DGLUCY: variants seen among roughly 807,000 people sequenced by gnomAD.
The protein encoded by DGLUCY is D-glutamate cyclase, also known as D-glutamate cyclase, mitochondrial.
In DGLUCY, 58 loss-of-function variants were observed where a neutral mutation model predicts 58.5. The ratio of observed to expected loss-of-function variants is 0.99; its 90% CI spans 0.80 to 1.23. The LOEUF (loss-of-function observed/expected upper bound fraction) is 1.23. Ranked by LOEUF, DGLUCY falls within the 50% of genes most tolerant of loss-of-function variation. DGLUCY has a pLI of 0.00. For missense variants in DGLUCY, 779 were observed against 784.7 expected, an observed-to-expected ratio of 0.99 and a Z score of 0.09; for synonymous variants, 325 against 314.1, an observed-to-expected ratio of 1.03 and a Z score of -0.37.
chr14:91,112,017 C>T (rs11845814), upstream of DGLUCY, among the ~76,000 whole-genome samples: 16 of 151,966 alleles, frequency 1.1e-4, no homozygotes, highest in African/African-American at 3.4e-4. Context: ...GCAGGCGGAT[C>T]ACCTGAGGTC....
upstream of DGLUCY, among the ~76,000 whole-genome samples, chr14:91,111,289 TA>T (rs372631522): frequency 3.3e-3 from 176 of 53,980 alleles, 2 homozygotes; most frequent in African/African-American, 7.7e-3. Context: ...TATATATATA[TA>T]TTTTTTTTTG....
chr14:91,155,517 G>A (rs566638646), intron 1 of DGLUCY, among the ~76,000 whole-genome samples: 5 of 152,304 alleles, frequency 3.3e-5, no homozygotes, highest in East Asian at 1.9e-4. Flanking sequence ...ATGGCCAGGC[G>A]TGGTGGCTTT....
chr14:91,132,860 C>T (rs1336947231), intron 1 of DGLUCY, among the ~76,000 whole-genome samples: 1 of 152,140 alleles, frequency 6.6e-6, no homozygotes, highest in Non-Finnish European at 1.5e-5. Context: ...TTTTACTTTC[C>T]ATCTTTATGA....
intron 9 of DGLUCY, 62 bp from the exon 10 acceptor site, chr14:91,196,313 A>G (rs2050205115): frequency 8.7e-6 from 12 of 1,383,812 alleles, no homozygotes; most frequent in African/African-American, 4.3e-5. Flanking sequence ...TGAAAAGCCA[A>G]CGTGAATTTC....
intron 4 of DGLUCY, among the ~76,000 whole-genome samples, chr14:91,168,214 C>T (rs1015090247): frequency 1.3e-5 from 2 of 151,752 alleles, no homozygotes; most frequent in Admixed American, 6.6e-5. Flanking sequence ...TGCGGTGAGC[C>T]GAGATCATGT....
chr14:91,186,998 TTC>T (rs2049561172), intron 8 of DGLUCY, among the ~76,000 whole-genome samples: 1 of 23,484 alleles, frequency 4.3e-5, no homozygotes, highest in East Asian at 1.6e-3. Flanking sequence ...ACCCCATGTC[TTC>T]TTCTTCTTTT....
chr14:91,170,694 C>T (rs922290931), intron 5 of DGLUCY, among the ~76,000 whole-genome samples: 7 of 152,068 alleles, frequency 4.6e-5, no homozygotes, highest in Admixed American at 4.6e-4. Flanking sequence ...GCACAGCCGG[C>T]GTCTCTGGGA....
At chr14:91,154,670 G>T (rs2047512402) in intron 1 of DGLUCY, among the ~76,000 whole-genome samples, 3 of 152,170 alleles carry the variant, frequency 2.0e-5, no homozygotes, top group African/African-American at 7.2e-5. Flanking sequence ...ACCTGCGAGA[G>T]AGACTTTCTG....
chr14:91,109,535 A>G (rs1018156694), upstream of DGLUCY, among the ~76,000 whole-genome samples: 1 of 152,188 alleles, frequency 6.6e-6, no homozygotes, highest in Non-Finnish European at 1.5e-5. Flanking sequence ...GTTAGTGGCT[A>G]CAGGCTGCAG....
chr14:91,177,347 C>T (rs1472463870), intron 7 of DGLUCY, among the ~76,000 whole-genome samples: 2 of 152,162 alleles, frequency 1.3e-5, no homozygotes, highest in Admixed American at 1.3e-4. Flanking sequence ...CCAGCCCATT[C>T]TAGCAGGAGG....
intron 1 of DGLUCY, among the ~76,000 whole-genome samples, chr14:91,068,094 C>T (rs2043856191): frequency 6.6e-6 from 1 of 151,740 alleles, no homozygotes; most frequent in Admixed American, 6.6e-5. Flanking sequence ...CACACACACA[C>T]ACACACACAC....
At chr14:91,126,246 C>T (rs1335954419) in intron 1 of DGLUCY, among the ~76,000 whole-genome samples, 1 of 152,024 alleles carries the variant, frequency 6.6e-6, no homozygotes, top group Middle Eastern at 3.2e-3. Context: ...GACTATATTC[C>T]CTCTGATGCC....
intron 1 of DGLUCY, among the ~76,000 whole-genome samples, chr14:91,129,546 G>C (rs146689273): frequency 2.0e-5 from 3 of 150,930 alleles, no homozygotes; most frequent in African/African-American, 7.3e-5. Flanking sequence ...GACCAGCCTG[G>C]GCAATATAGG....
At chr14:91,157,565 GT>G (rs1384150350) in intron 1 of DGLUCY, 73 bp from the exon 2 acceptor site, 1 of 152,158 alleles carries the variant, frequency 6.6e-6, no homozygotes, top group Non-Finnish European at 1.5e-5. Context: ...TATGGTGGTA[GT>G]TGCTATCATT....
intron 7 of DGLUCY, among the ~76,000 whole-genome samples, chr14:91,178,229 G>A (rs1299033505): frequency 1.3e-5 from 2 of 151,794 alleles, no homozygotes; most frequent in African/African-American, 2.4e-5. Context: ...GCAGTGGCAC[G>A]ATCACAGCTC....
At chr14:91,109,409 A>C (rs1439966985), upstream of DGLUCY, among the ~76,000 whole-genome samples, 2 of 152,050 alleles carry the variant, frequency 1.3e-5, no homozygotes, top group East Asian at 3.9e-4. Flanking sequence ...TGTCAAGGAG[A>C]GTGGCTGGCT....
chr14:91,212,858 C>T (rs568937680), intron 12 of DGLUCY, among the ~76,000 whole-genome samples: 3 of 152,008 alleles, frequency 2.0e-5, no homozygotes, highest in Admixed American at 6.6e-5. Context: ...AAAATTAGCT[C>T]GGCATGGTGG....
At chr14:91,209,602 G>A (rs1457343619) in intron 12 of DGLUCY, among the ~76,000 whole-genome samples, 24 of 152,076 alleles carry the variant, frequency 1.6e-4, no homozygotes. Flanking sequence ...CAGCTACTCA[G>A]CAGGCTGAGG....
chr14:91,158,074 C>G (rs1461120627), intron 2 of DGLUCY, among the ~76,000 whole-genome samples: 1 of 152,150 alleles, frequency 6.6e-6, no homozygotes. Context: ...TTATGGAAAG[C>G]TTCTCTCTTT....
Sources: allele counts gnomAD v4.1 joint callset (sites outside exome capture counted in the v4.1 genomes callset), GRCh38; gene constraint gnomAD v4.1.1; transcripts MANE v1.5; gene names NCBI Gene and HGNC (gene_info 2026-07-23, HGNC 2026-07-21).